ARK2C: variants seen among roughly 807,000 people sequenced by gnomAD.
ARK2C encodes E3 ubiquitin-protein ligase ARK2C.
the ARK2C span, among the ~76,000 whole-genome samples, chr18:46,356,417 G>T: frequency 2.0e-5 from 3 of 152,068 alleles, no homozygotes; most frequent in Non-Finnish European, 4.4e-5. Flanking sequence ...GGGGTGGGGA[G>T]GTGCTTATTT....
chr18:46,406,317 G>A, the ARK2C span, among the ~76,000 whole-genome samples: 4,045 of 152,296 alleles, frequency 0.027, 61 homozygotes, highest in Middle Eastern at 0.044. Context: ...GCAGCAGAGC[G>A]ACAGCCAGGC....
At chr18:46,442,048 A>G in the ARK2C span, among the ~76,000 whole-genome samples, 1 of 150,568 alleles carries the variant, frequency 6.6e-6, no homozygotes, top group Non-Finnish European at 1.5e-5. Context: ...CTGTAGTCCC[A>G]GCTACTCGGG....
chr18:46,334,697 T>TG, the ARK2C span: 19 of 312,884 alleles, frequency 6.1e-5, no homozygotes, highest in African/African-American at 4.9e-4. The surrounding 1 kb of genome is among the most constrained non-coding windows in gnomAD (Gnocchi z 4.4). Flanking sequence ...TGTGTGTGTG[T>TG]GTGTGTGTGT....
the ARK2C span, among the ~76,000 whole-genome samples, chr18:46,412,785 G>A: frequency 6.6e-5 from 10 of 152,214 alleles, no homozygotes; most frequent in South Asian, 1.0e-3. Context: ...CAGCCAACGC[G>A]GAGTGACCAC....
At chr18:46,358,460 G>A in the ARK2C span, among the ~76,000 whole-genome samples, 8 of 152,162 alleles carry the variant, frequency 5.3e-5, no homozygotes, top group South Asian at 4.1e-4. Flanking sequence ...ATGAGGCCAC[G>A]GCAATTTTGA....
chr18:46,448,423 G>T, the ARK2C span, among the ~76,000 whole-genome samples: 1 of 152,184 alleles, frequency 6.6e-6, no homozygotes, highest in Non-Finnish European at 1.5e-5. Flanking sequence ...AGTAGGAGTG[G>T]GCACTGGAGG....
the ARK2C span, among the ~76,000 whole-genome samples, chr18:46,393,486 C>A: frequency 6.6e-6 from 1 of 152,136 alleles, no homozygotes; most frequent in Non-Finnish European, 1.5e-5. Flanking sequence ...TGGGAGGCTT[C>A]CTTCTCTTTC....
At chr18:46,405,413 G>C in the ARK2C span, among the ~76,000 whole-genome samples, 1 of 152,166 alleles carries the variant, frequency 6.6e-6, no homozygotes. Flanking sequence ...CAGACAGACA[G>C]TGGGAACAGT....
the ARK2C span, among the ~76,000 whole-genome samples, chr18:46,405,554 G>C: frequency 6.6e-6 from 1 of 152,204 alleles, no homozygotes; most frequent in Non-Finnish European, 1.5e-5. Flanking sequence ...AGGTTGGAGA[G>C]AGAGGGCGAA....
At chr18:46,364,128 A>G in the ARK2C span, among the ~76,000 whole-genome samples, 1 of 150,686 alleles carries the variant, frequency 6.6e-6, no homozygotes, top group African/African-American at 2.4e-5. Context: ...TTGTGTTTTT[A>G]ATAGAACTGG....
the ARK2C span, among the ~76,000 whole-genome samples, chr18:46,404,800 A>ACACACACACAC: frequency 6.6e-6 from 1 of 150,564 alleles, no homozygotes; most frequent in African/African-American, 2.4e-5. Flanking sequence ...ACACACACAC[A>ACACACACACAC]ACAACCCCCC....
the ARK2C span, among the ~76,000 whole-genome samples, chr18:46,350,252 A>G: frequency 6.6e-6 from 1 of 152,212 alleles, no homozygotes; most frequent in African/African-American, 2.4e-5. Flanking sequence ...CTAGGAAAAC[A>G]CCATGCGTAT....
the ARK2C span, among the ~76,000 whole-genome samples, chr18:46,401,764 A>C: frequency 8.5e-3 from 1,293 of 152,262 alleles, 15 homozygotes; most frequent in African/African-American, 0.029. Context: ...TGGGACTTTA[A>C]AGTTGAGGAG....
chr18:46,426,462 T>C, the ARK2C span, among the ~76,000 whole-genome samples: 1 of 152,136 alleles, frequency 6.6e-6, no homozygotes, highest in East Asian at 1.9e-4. Context: ...TCACCTATAG[T>C]GTGTACCATG....
At chr18:46,405,277 G>A in the ARK2C span, among the ~76,000 whole-genome samples, 1 of 152,160 alleles carries the variant, frequency 6.6e-6, no homozygotes, top group Non-Finnish European at 1.5e-5. Context: ...AAATAGTAGA[G>A]TCTCTGGGAG....
the ARK2C span, among the ~76,000 whole-genome samples, chr18:46,350,964 G>A: frequency 2.6e-5 from 4 of 152,200 alleles, no homozygotes; most frequent in Admixed American, 6.5e-5. Flanking sequence ...TGCCCCTGGC[G>A]TGTGTGCAGG....
chr18:46,354,995 G>A, the ARK2C span, among the ~76,000 whole-genome samples: 1 of 152,078 alleles, frequency 6.6e-6, no homozygotes, highest in African/African-American at 2.4e-5. Context: ...TGTCACCCAG[G>A]CTGGAGTGCA....
the ARK2C span, among the ~76,000 whole-genome samples, chr18:46,354,758 T>A: frequency 1.3e-5 from 2 of 152,212 alleles, no homozygotes; most frequent in Non-Finnish European, 2.9e-5. Flanking sequence ...AAAGCGATGG[T>A]CCACTGTGCA....
chr18:46,419,392 A>G, the ARK2C span, among the ~76,000 whole-genome samples: 2 of 152,284 alleles, frequency 1.3e-5, no homozygotes, highest in East Asian at 3.9e-4. Flanking sequence ...GGAACTTCAT[A>G]GCATTCCCCC....
Sources: gnomAD v4.1 joint callset for allele counts (sites outside exome capture counted in the v4.1 genomes callset) on GRCh38, gnomAD v4.1.1 for gene constraint, Gnocchi (gnomAD v3.1) non-coding constraint, MANE v1.5 for transcripts, NCBI Gene and HGNC (gene_info 2026-07-23, HGNC 2026-07-21) for gene names.